Variants in MGAM2 observed in about 807,000 individuals in gnomAD.
MGAM2 encodes the protein maltase-glucoamylase 2 (putative).
Under a neutral mutation model 96.1 loss-of-function variants are expected in MGAM2, and 98 were observed. The observed-to-expected ratio is 1.02, with a 90% CI of 0.87 to 1.21. The LOEUF is 1.21. Ranked by LOEUF, MGAM2 falls within the 50% of genes most tolerant of loss-of-function variation. The probability of loss-of-function intolerance (pLI) is 0.00; values close to 1 mark genes in which losing one functional copy is unlikely to be tolerated. For synonymous variants in MGAM2, 749 were observed against 414.8 expected, an observed-to-expected ratio of 1.81 and a Z score of -9.79; for missense variants, 2,055 against 1,182.4, an observed-to-expected ratio of 1.74 and a Z score of -10.82.
chr7:142,148,955 G>A lies in MGAM2; in HGVS notation c.1634+1382G>A, dbSNP rs141297837. Among the ~76,000 whole-genome samples the A allele has an allele frequency of 1.8e-3, 272 of 152,144 alleles. 1 individual carries two copies. Among genetic ancestry groups the A allele is most frequent in the African/African-American group, 6.4e-3 (264 of 41,514 alleles). ...AGATACTGCTCTGCTGGCTTGGTGCGGTGGCTTACGTCTGTAATCCAAGCA... is the reference window on the plus strand; with the variant it reads ...AGATACTGCTCTGCTGGCTTGGTGCAGTGGCTTACGTCTGTAATCCAAGCA... On this transcript the variant is annotated intron_variant, in intron 15 of 47. Coordinates refer to ENST00000477922, the MANE Select transcript of MGAM2 (RefSeq NM_001293626.2). The surrounding 1 kb of genome is among the most constrained non-coding windows in gnomAD (Gnocchi z 4.2).
chr7:142,169,476 G>T (rs1198522483), intron 26 of MGAM2, among the ~76,000 whole-genome samples: 1 of 151,908 alleles, frequency 6.6e-6, no homozygotes, highest in African/African-American at 2.4e-5. Flanking sequence ...ACAAATTTGG[G>T]ACTAATAATA....
intron 37 of MGAM2, among the ~76,000 whole-genome samples, chr7:142,192,237 C>A (rs1350886709): frequency 6.6e-6 from 1 of 152,158 alleles, no homozygotes; most frequent in Non-Finnish European, 1.5e-5. Flanking sequence ...TCTTCCCTTT[C>A]CCACTTTCTT....
chr7:142,131,984 G>T lies in MGAM2; in HGVS notation c.474G>T (p.Leu158=). The part of the protein sequence containing the change: ...RYEVSHENIN[L]VDGIADASNL... ...AAGTTTCCCATGAAAATATTAACCT[G>T]GTTGATGGGATTGCTGATGCCTCCA... Residue 158 remains leucine, a synonymous_variant, in exon 6 of 48, where the codon CTG becomes CTT. Coordinates refer to ENST00000477922, the MANE Select transcript of MGAM2 (RefSeq NM_001293626.2). 1.4e-6 allele frequency: 1 copy of T among 702,876 alleles called. No individual in the cohort carries two copies. The highest frequency in any genetic ancestry group is 2.6e-6 in the Non-Finnish European group (1 of 384,964). The allele number at this position is 702,876 out of a possible 1,614,324, so 43.5% of individuals were successfully genotyped here. A position where few individuals can be genotyped will look rare whatever the true frequency, so the allele number is the denominator to read the frequency against.
chr7:142,125,826 A>G (rs1314798176), intron 3 of MGAM2, among the ~76,000 whole-genome samples: 7 of 152,112 alleles, frequency 4.6e-5, no homozygotes, highest in Non-Finnish European at 1.5e-5. Context: ...TGGTGTCACA[A>G]TCCACACTGA....
intron 15 of MGAM2, 24 bp downstream of exon 15, chr7:142,147,597 A>G: frequency 1.4e-6 from 1 of 696,018 alleles, no homozygotes; most frequent in East Asian, 2.7e-5. Context: ...TTTCACCCTA[A>G]TTCCAGATAT....
chr7:142,122,175 C>T (rs1218398712), intron 3 of MGAM2, among the ~76,000 whole-genome samples: 6 of 152,094 alleles, frequency 3.9e-5, no homozygotes, highest in East Asian at 1.9e-4. Context: ...TTTGCCTTCT[C>T]GTATTTATCA....
intron 1 of MGAM2, among the ~76,000 whole-genome samples, chr7:142,113,969 A>T (rs1368063163): frequency 2.0e-5 from 3 of 151,670 alleles, no homozygotes; most frequent in Non-Finnish European, 4.4e-5. Context: ...CTGTCTCTAC[A>T]AAAATATAAA....
rs1474109490 is a variant in MGAM2 at position 142,196,188 on chromosome 7, A to G, written c.4381A>G (p.Ile1461Val). ...GGAGGTGACAGGACAGCGAGGGGTCATCATCACCCGCTCCACATTTCCCTC... is the reference window on the plus strand; with the variant it reads ...GGAGGTGACAGGACAGCGAGGGGTCGTCATCACCCGCTCCACATTTCCCTC... ...VQEVTGQRGVIITRSTFPSSG... is the reference protein window; with the variant it reads ...VQEVTGQRGVVITRSTFPSSG... The change falls in exon 38 of 48, where the codon ATC becomes GTC. Residue 1461 changes from isoleucine (I) to valine (V), a missense_variant. Coordinates refer to ENST00000477922, the MANE Select transcript of MGAM2 (RefSeq NM_001293626.2). 6.7e-6 allele frequency: 8 copies of G among 1,200,304 alleles called. No homozygotes were observed. The highest frequency in any genetic ancestry group is 8.5e-6 in the Non-Finnish European group (7 of 824,514). 74.4% of individuals were successfully genotyped at this position (1,200,304 alleles called of 1,614,324 possible).
intron 38 of MGAM2, 105 bp from the exon 39 acceptor site, chr7:142,196,460 T>A: frequency 1.5e-6 from 1 of 673,254 alleles, no homozygotes; most frequent in Non-Finnish European, 2.7e-6. Context: ...AATATTTTCA[T>A]CATGGTCCAG....
rs1260263432 is a variant in MGAM2, at chr7:142,183,400, T to C, written c.3924+27T>C. On this transcript the variant is annotated intron_variant, in intron 33 of 47. Coordinates refer to ENST00000477922, the MANE Select transcript of MGAM2 (RefSeq NM_001293626.2). Reference sequence around the variant, plus strand: ...TAAGGCTTGGGGAAGATGCTTACAGTTAATTAACATTACAATGTCTTGAAA... The same window carrying C: ...TAAGGCTTGGGGAAGATGCTTACAGCTAATTAACATTACAATGTCTTGAAA... The C allele has an allele frequency of 2.0e-5, 14 of 698,508 alleles. No homozygotes were observed. In the Admixed American group the frequency reaches 2.9e-4, roughly 14 times the overall value. 43.3% of individuals were successfully genotyped at this position (698,508 alleles called of 1,614,324 possible).
rs533057648 is a variant in MGAM2, at chr7:142,166,637, C to G, written c.2808+384C>G. Among the ~76,000 whole-genome samples, 6 of 152,270 alleles carry G rather than the reference C, an allele frequency of 3.9e-5. No homozygotes were observed. In the East Asian group the frequency reaches 1.2e-3, roughly 29 times the overall value. ...AAACTAGGAAGCCAAGTGATTTCCT[C>G]TAGATTACATGGGAGGCAATAAGAA... On this transcript the variant is annotated intron_variant, in intron 25 of 47. Coordinates refer to ENST00000477922, the MANE Select transcript of MGAM2 (RefSeq NM_001293626.2).
chr7:142,127,611 T>C (rs1585144457), intron 3 of MGAM2, among the ~76,000 whole-genome samples: 1 of 152,120 alleles, frequency 6.6e-6, no homozygotes, highest in African/African-American at 2.4e-5. Context: ...GTGGAGATAA[T>C]TGAATCATGG....
chr7:142,153,217 G>T (rs1795637171), intron 15 of MGAM2, among the ~76,000 whole-genome samples: 1 of 152,012 alleles, frequency 6.6e-6, no homozygotes, highest in South Asian at 2.1e-4. Flanking sequence ...GGCCAGGTTG[G>T]TCTCGATCTC....
At chr7:142,216,513 G>A (rs1797766092) in intron 46 of MGAM2, among the ~76,000 whole-genome samples, 1 of 152,160 alleles carries the variant, frequency 6.6e-6, no homozygotes, top group African/African-American at 2.4e-5. Context: ...TTCCTTAGGG[G>A]ATAACTATTA....
At chr7:142,210,492 G>A (rs529179301) in intron 46 of MGAM2, among the ~76,000 whole-genome samples, 1 of 152,312 alleles carries the variant, frequency 6.6e-6, no homozygotes, top group Admixed American at 6.5e-5. Context: ...GGAAGCTCGA[G>A]TTTGGTGGAG....
At chr7:142,135,902 A>C (rs965169428) in intron 7 of MGAM2, among the ~76,000 whole-genome samples, 1 of 152,170 alleles carries the variant, frequency 6.6e-6, no homozygotes, top group Non-Finnish European at 1.5e-5. Context: ...ACTAGGTGTA[A>C]AAAATTCAAA....
chr7:142,123,129 T>G (rs939265448), intron 3 of MGAM2, among the ~76,000 whole-genome samples: 2 of 152,096 alleles, frequency 1.3e-5, no homozygotes, highest in African/African-American at 4.8e-5. Context: ...ACCTCAAAAT[T>G]ATTTTTATGA....
intron 26 of MGAM2, among the ~76,000 whole-genome samples, 167 bp downstream of exon 26, chr7:142,167,653 A>G (rs925642826): frequency 2.6e-5 from 4 of 152,166 alleles, no homozygotes; most frequent in African/African-American, 9.7e-5. Context: ...GGTCACTGTA[A>G]CTTCCACCTC....
In MGAM2 at chr7:142,199,898, A is replaced by C. The variant is rs201561024; in HGVS notation, c.5067A>C (p.Gly1689=). 2 of 671,860 alleles carry C rather than the reference A, an allele frequency of 3.0e-6. No homozygotes were observed. Among genetic ancestry groups the C allele is most frequent in the African/African-American group, 3.8e-5 (2 of 52,892 alleles). The allele number at this position is 671,860 out of a possible 1,614,324, so 41.6% of individuals were successfully genotyped here. A position where few individuals can be genotyped will look rare whatever the true frequency, so the allele number is the denominator to read the frequency against. The part of the protein sequence containing the change: ...NTHSSRQNFM[G]LIVALDDNGT... ...TTGGTAGTCGACAAAATTTTATGGG[A>C]TTGATTGTTGCTTTGGATGACAATG... The change falls in exon 45 of 48, where the codon GGA becomes GGC. Residue 1689 remains glycine, a synonymous_variant. Transcript: ENST00000477922.
Sources: allele counts gnomAD v4.1 joint callset (sites outside exome capture counted in the v4.1 genomes callset), GRCh38; gene constraint gnomAD v4.1.1; non-coding constraint Gnocchi (gnomAD v3.1); transcripts MANE v1.5; gene names NCBI Gene and HGNC (gene_info 2026-07-23, HGNC 2026-07-21).